Variants in UMAD1 observed in about 807,000 individuals in gnomAD.
The protein encoded by UMAD1 is UBAP1-MVB12-associated (UMA)-domain containing protein 1.
Under a neutral mutation model 6.1 loss-of-function variants are expected in UMAD1, and 8 were observed. The observed-to-expected ratio is 1.30, with a 90% CI of 0.76 to 2.35. The LOEUF is 2.35. Ranked by LOEUF, UMAD1 falls within the 30% of genes most tolerant of loss-of-function variation. The pLI, the probability that UMAD1 is intolerant of heterozygous loss-of-function variation, is 0.00. For missense variants in UMAD1, 130 were observed against 78.4 expected, an observed-to-expected ratio of 1.66 and a Z score of -2.49; for synonymous variants, 56 against 31.4, an observed-to-expected ratio of 1.78 and a Z score of -2.61.
chr7:7,662,246 T>C (rs1010092848), intron 1 of UMAD1, among the ~76,000 whole-genome samples: 12 of 152,148 alleles, frequency 7.9e-5, no homozygotes, highest in Admixed American at 7.9e-4. Flanking sequence ...CTTGCTGAGC[T>C]CCATGGGGTT....
At chr7:7,652,874 C>T (rs1200399416) in intron 1 of UMAD1, among the ~76,000 whole-genome samples, 2 of 152,166 alleles carry the variant, frequency 1.3e-5, no homozygotes, top group African/African-American at 4.8e-5. Context: ...GGGAGTGATT[C>T]TTTCTGGATG....
rs192164615 is a variant in UMAD1 at position 7,698,470 on chromosome 7, C to G, written c.82+25017C>G. ...TTAGCCTTTTCCTTAGAAGTCACTT[C>G]TAGAACCAGATCCACCTGATTTAAC... is the stretch of plus-strand genomic sequence containing the variant. On this transcript the variant is annotated intron_variant, in intron 2 of 3. Coordinates refer to ENST00000682710, the MANE Select transcript of UMAD1 (RefSeq NM_001302348.2). Among the ~76,000 whole-genome samples, 8 of 152,356 alleles carry G rather than the reference C, an allele frequency of 5.3e-5. No individual in the cohort carries two copies. In the East Asian group the frequency reaches 1.5e-3, roughly 29 times the overall value.
At chr7:7,831,275 T>C (rs1485702464) in intron 3 of UMAD1, among the ~76,000 whole-genome samples, 3 of 152,224 alleles carry the variant, frequency 2.0e-5, no homozygotes, top group African/African-American at 7.2e-5. Context: ...AGTATCTATA[T>C]CTTACAGAAA....
intron 3 of UMAD1, among the ~76,000 whole-genome samples, chr7:7,865,194 T>TC (rs1326419268): frequency 1.3e-5 from 2 of 152,200 alleles, no homozygotes; most frequent in African/African-American, 4.8e-5. Flanking sequence ...ACTTTATAGC[T>TC]CGTCAGTCAA....
chr7:7,660,989 T>G (rs192749638), intron 1 of UMAD1, among the ~76,000 whole-genome samples: 50 of 134,870 alleles, frequency 3.7e-4, no homozygotes, highest in African/African-American at 1.4e-3. Flanking sequence ...TCTTGGAGGC[T>G]TTGTTCATTC....
At chr7:7,745,038 A>G (rs539239389) in intron 2 of UMAD1, among the ~76,000 whole-genome samples, 80 of 152,372 alleles carry the variant, frequency 5.3e-4, no homozygotes, top group African/African-American at 1.9e-3. Flanking sequence ...CTATTAGCAC[A>G]TACTTTATAT....
intron 2 of UMAD1, among the ~76,000 whole-genome samples, chr7:7,678,353 T>G (rs1309205146): frequency 6.7e-6 from 1 of 149,862 alleles, no homozygotes; most frequent in Non-Finnish European, 1.5e-5. Context: ...TTGAACGTTT[T>G]TTTAATATGC....
chr7:7,758,895 G>A (rs1343232859), intron 2 of UMAD1, among the ~76,000 whole-genome samples: 1 of 152,086 alleles, frequency 6.6e-6, no homozygotes, highest in African/African-American at 2.4e-5. Flanking sequence ...ACAAGTTTTT[G>A]TACATATCTT....
intron 3 of UMAD1, among the ~76,000 whole-genome samples, chr7:7,812,134 C>T (rs1330977052): frequency 6.6e-6 from 1 of 152,166 alleles, no homozygotes; most frequent in Non-Finnish European, 1.5e-5. Context: ...TTTCTTCTGG[C>T]TTGCATTGGG....
chr7:7,855,752 A>T (rs1278581062), intron 3 of UMAD1, among the ~76,000 whole-genome samples: 1 of 152,080 alleles, frequency 6.6e-6, no homozygotes, highest in East Asian at 1.9e-4. Context: ...GAGGGTTTGA[A>T]TTTTTCTCCA....
chr7:7,684,867 A>G (rs1780004841), intron 2 of UMAD1, among the ~76,000 whole-genome samples: 2 of 152,164 alleles, frequency 1.3e-5, no homozygotes, highest in South Asian at 4.1e-4. Context: ...CTGTTTCACT[A>G]TGGTACTATT....
chr7:7,778,890 A>C (rs1009612973), intron 2 of UMAD1, among the ~76,000 whole-genome samples: 2 of 152,172 alleles, frequency 1.3e-5, no homozygotes, highest in Admixed American at 1.3e-4. Context: ...ATAAATGCTA[A>C]TAGCAATTTA....
chr7:7,644,725 A>T (rs1023775885), intron 1 of UMAD1, among the ~76,000 whole-genome samples: 4 of 151,616 alleles, frequency 2.6e-5, no homozygotes, highest in African/African-American at 9.7e-5. Context: ...CTGAACCACT[A>T]CCTATTTTCT....
chr7:7,700,362 A>C (rs1006174393), intron 2 of UMAD1, among the ~76,000 whole-genome samples: 4 of 152,188 alleles, frequency 2.6e-5, no homozygotes, highest in African/African-American at 9.7e-5. Flanking sequence ...GTAGGATTTC[A>C]TTTCATGAAT....
chr7:7,824,628 T>C (rs1783306366), intron 3 of UMAD1, among the ~76,000 whole-genome samples: 1 of 152,176 alleles, frequency 6.6e-6, no homozygotes, highest in African/African-American at 2.4e-5. Flanking sequence ...TGTCATGGTT[T>C]ATTTACATGA....
At position 7,735,495 on chromosome 7, in the gene UMAD1, C is replaced by T. The variant is rs567821707; in HGVS notation, c.82+62042C>T. On this transcript the variant is annotated intron_variant, in intron 2 of 3. Coordinates refer to ENST00000682710, the MANE Select transcript of UMAD1 (RefSeq NM_001302348.2). ...CGTGATCTCCGCTCACTGCAACCTC[C>T]GCCTCCCGGGTTCAAGTGATTCTCC... Among the ~76,000 whole-genome samples the T allele has an allele frequency of 2.7e-3, 413 of 151,886 alleles. 1 individual carries two copies. Among genetic ancestry groups the T allele is most frequent in the Non-Finnish European group, 2.7e-3 (182 of 67,934 alleles).
chr7:7,782,360 T>G (rs1287423733), intron 2 of UMAD1, among the ~76,000 whole-genome samples: 6 of 152,190 alleles, frequency 3.9e-5, no homozygotes, highest in Non-Finnish European at 8.8e-5. Flanking sequence ...ACAGCATGTA[T>G]TCATCTGAAT....
chr7:7,716,627 C>T (rs1364463912), intron 2 of UMAD1, among the ~76,000 whole-genome samples: 4 of 152,218 alleles, frequency 2.6e-5, no homozygotes, highest in South Asian at 4.1e-4. Flanking sequence ...GGTAGCAAAC[C>T]CATCTGCCTA....
chr7:7,810,001 G>T (rs1782992092), intron 3 of UMAD1, among the ~76,000 whole-genome samples: 1 of 152,004 alleles, frequency 6.6e-6, no homozygotes, highest in South Asian at 2.1e-4. Context: ...GTTTTGTGTA[G>T]AAAGGAATTG....
Sources: allele counts gnomAD v4.1 joint callset (sites outside exome capture counted in the v4.1 genomes callset), GRCh38; gene constraint gnomAD v4.1.1; transcripts MANE v1.5; gene names NCBI Gene and HGNC (gene_info 2026-07-23, HGNC 2026-07-21).